SNAP25: variants seen among roughly 807,000 people sequenced by gnomAD.
SNAP25 encodes the protein synaptosome associated protein 25, also known as synaptosomal-associated protein 25.
Under a neutral mutation model 28.7 loss-of-function variants are expected in SNAP25, and 3 were observed. The observed-to-expected ratio is 0.10, with a 90% CI of 0.05 to 0.27. The LOEUF is 0.27. Ranked by LOEUF, SNAP25 falls within the 10% of genes least tolerant of loss-of-function variation. SNAP25 has a pLI of 1.00. For synonymous variants in SNAP25, 61 were observed against 88.1 expected, an observed-to-expected ratio of 0.69 and a Z score of 1.72; for missense variants, 117 against 278.7, an observed-to-expected ratio of 0.42 and a Z score of 4.13.
In SNAP25 at chr20:10,298,614, A is replaced by G. The variant is rs549617531; in HGVS notation, c.408-654A>G. Among the ~76,000 whole-genome samples the G allele has an allele frequency of 2.6e-5, 4 of 152,296 alleles. No homozygotes were observed. The East Asian group carries it at 7.7e-4, about 29-fold the overall frequency. On this transcript the variant is annotated intron_variant, in intron 6 of 7. Coordinates refer to ENST00000254976, the MANE Select transcript of SNAP25 (RefSeq NM_130811.4). ...ACAGTTTTTGACTCTGAAATCACCT[A>G]TGCACCATGCCACTAAAAAACCCAT...
At chr20:10,288,710 G>A (rs1031361216) in intron 4 of SNAP25, among the ~76,000 whole-genome samples, 25 of 152,240 alleles carry the variant, frequency 1.6e-4, no homozygotes, top group African/African-American at 6.0e-4. Flanking sequence ...TGTGTGGTGA[G>A]TAGATAGACA....
At chr20:10,304,971 T>C (rs1178623942) in intron 7 of SNAP25, among the ~76,000 whole-genome samples, 1 of 152,228 alleles carries the variant, frequency 6.6e-6, no homozygotes, top group Non-Finnish European at 1.5e-5. Flanking sequence ...TATACAATTA[T>C]GATTTAATAC....
At chr20:10,267,801 C>T (rs920875764) in intron 1 of SNAP25, among the ~76,000 whole-genome samples, 1 of 152,198 alleles carries the variant, frequency 6.6e-6, no homozygotes, top group Non-Finnish European at 1.5e-5. Flanking sequence ...CTGCCCGCCT[C>T]GGCCTCCCAA....
At chr20:10,286,353 TG>T (rs1234145403) in intron 4 of SNAP25, among the ~76,000 whole-genome samples, 5 of 151,970 alleles carry the variant, frequency 3.3e-5, no homozygotes, top group Non-Finnish European at 7.4e-5. Context: ...GTTGGGGAAA[TG>T]TCTGTGATAG....
chr20:10,228,185 A>G (rs928686663), intron 1 of SNAP25, among the ~76,000 whole-genome samples: 2 of 152,180 alleles, frequency 1.3e-5, no homozygotes, highest in Non-Finnish European at 2.9e-5. Flanking sequence ...TCTCCAGAGA[A>G]GACTGAAGAT....
At chr20:10,239,081 C>G (rs1014044574) in intron 1 of SNAP25, among the ~76,000 whole-genome samples, 6 of 152,048 alleles carry the variant, frequency 3.9e-5, no homozygotes, top group African/African-American at 1.4e-4. Flanking sequence ...ATGGAAAATG[C>G]CCTGGTATAG....
At chr20:10,239,334 AG>A (rs2122723443) in intron 1 of SNAP25, among the ~76,000 whole-genome samples, 1 of 152,358 alleles carries the variant, frequency 6.6e-6, no homozygotes, top group East Asian at 1.9e-4. Flanking sequence ...GTGATATTTC[AG>A]GTAATGTAAG....
In SNAP25 at chr20:10,264,901, G is replaced by T. The variant is rs867412622; in HGVS notation, c.-63-10528G>T. On this transcript the variant is annotated intron_variant, in intron 1 of 7. Coordinates refer to ENST00000254976, the MANE Select transcript of SNAP25 (RefSeq NM_130811.4). ...GCAACTAAAAAAGATTTTGATGCAA[G>T]GAGATCTCAGACCATGCTTTTTTTT... 4.7e-5 allele frequency among the ~76,000 whole-genome samples: 7 copies of T among 150,524 alleles called. No homozygotes were observed. The South Asian group carries it at 1.0e-3, about 22-fold the overall frequency.
intron 4 of SNAP25, among the ~76,000 whole-genome samples, chr20:10,284,991 C>A (rs1459804003): frequency 6.6e-6 from 1 of 152,070 alleles, no homozygotes; most frequent in African/African-American, 2.4e-5. Flanking sequence ...ATCAATGATA[C>A]CACTATCTCT....
rs1437084699 is a variant in SNAP25, at chr20:10,301,906, A to ATT, written c.552+2495_552+2496dup. 2.4e-4 allele frequency among the ~76,000 whole-genome samples: 35 copies of ATT among 147,346 alleles called. 3 individuals are homozygous for ATT. The East Asian group carries it at 6.8e-3, about 29-fold the overall frequency. ...ATATATATATTATATGTATATGGTT[A>ATT]TTATATATATATAAAAACCATATAT... On this transcript the variant is annotated intron_variant, in intron 7 of 7. Transcript: ENST00000254976.
intron 7 of SNAP25, among the ~76,000 whole-genome samples, chr20:10,300,220 A>T (rs1406524168): frequency 6.6e-6 from 1 of 152,138 alleles, no homozygotes; most frequent in Admixed American, 6.5e-5. Context: ...ATTAGAAGAG[A>T]TTGGAAAGAA....
chr20:10,248,074 G>C (rs908695273), intron 1 of SNAP25, among the ~76,000 whole-genome samples: 4 of 152,172 alleles, frequency 2.6e-5, no homozygotes, highest in South Asian at 2.1e-4. Context: ...TACAAAGACG[G>C]ATGGAGAACA....
At chr20:10,279,523 C>T (rs1021715470) in intron 3 of SNAP25, among the ~76,000 whole-genome samples, 6 of 152,150 alleles carry the variant, frequency 3.9e-5, no homozygotes, top group Non-Finnish European at 8.8e-5. Flanking sequence ...TGAATCAGAA[C>T]GCACACCTTG....
intron 1 of SNAP25, among the ~76,000 whole-genome samples, chr20:10,238,184 C>A (rs1401315524): frequency 6.6e-6 from 1 of 152,180 alleles, no homozygotes; most frequent in African/African-American, 2.4e-5. Flanking sequence ...CCACACATGG[C>A]AGGTGCTTTG....
chr20:10,224,200 T>C (rs1600630122), intron 1 of SNAP25, among the ~76,000 whole-genome samples: 1 of 147,392 alleles, frequency 6.8e-6, no homozygotes, highest in East Asian at 2.1e-4. Context: ...TTATGCTACC[T>C]CTTGCATCAT....
intron 1 of SNAP25, among the ~76,000 whole-genome samples, chr20:10,239,260 G>A (rs1342850497): frequency 2.0e-5 from 3 of 152,130 alleles, no homozygotes; most frequent in Admixed American, 6.5e-5. Flanking sequence ...TGAGTGTGCC[G>A]TGCCACCTCT....
At chr20:10,285,410 G>T (rs2063856445) in intron 4 of SNAP25, among the ~76,000 whole-genome samples, 1 of 152,158 alleles carries the variant, frequency 6.6e-6, no homozygotes, top group Non-Finnish European at 1.5e-5. Context: ...AAACTGAAAA[G>T]GGTAATACCA....
At chr20:10,277,657 T>G in intron 2 of SNAP25, 28 bp from the exon 3 acceptor site, 1 of 1,606,816 alleles carries the variant, frequency 6.2e-7, no homozygotes, top group Non-Finnish European at 8.5e-7. Context: ...CTCATAAAGT[T>G]TATGTTTGTT....
In SNAP25 at chr20:10,233,069, G is replaced by T. The variant is rs182627508; in HGVS notation, c.-64+14092G>T. ...AGCTCAAGGATACAGTGAGAGAAAA[G>T]AACTTCATAAAATCCAAACAGTCCA... On this transcript the variant is annotated intron_variant, in intron 1 of 7. Coordinates refer to ENST00000254976, the MANE Select transcript of SNAP25 (RefSeq NM_130811.4). Among the ~76,000 whole-genome samples the T allele has an allele frequency of 1.5e-3, 232 of 152,258 alleles. 3 individuals are homozygous for T. Among genetic ancestry groups the T allele is most frequent in the Non-Finnish European group, 9.0e-4 (61 of 68,018 alleles).
Sources: allele counts gnomAD v4.1 joint callset (sites outside exome capture counted in the v4.1 genomes callset), GRCh38; gene constraint gnomAD v4.1.1; transcripts MANE v1.5; gene names NCBI Gene and HGNC (gene_info 2026-07-23, HGNC 2026-07-21).